Variants in KCNIP4 observed in about 807,000 individuals in gnomAD.
The protein encoded by KCNIP4 is potassium voltage-gated channel interacting protein 4, also known as Kv channel-interacting protein 4.
In KCNIP4, 12 loss-of-function variants were observed where a neutral mutation model predicts 34.0. That is an observed-to-expected ratio of 0.35 (90% CI 0.23 to 0.57). The LOEUF is 0.57. Among genes scored for constraint, KCNIP4 ranks in the 20% least tolerant of loss-of-function variants. The pLI is 0.83. For missense variants in KCNIP4, 238 were observed against 311.7 expected (o/e 0.76, Z 1.78); for synonymous variants, 124 against 102.2 (o/e 1.21, Z -1.29).
At chr4:21,335,025 G>A (rs1025073865) in intron 1 of KCNIP4, among the ~76,000 whole-genome samples, 11 of 151,962 alleles carry the variant, frequency 7.2e-5, no homozygotes, top group African/African-American at 2.4e-4. Context: ...ATTCCCAGGA[G>A]CTCTCCTTTT....
intron 1 of KCNIP4, among the ~76,000 whole-genome samples, chr4:21,444,949 C>A (rs1040579779): frequency 2.6e-5 from 4 of 152,074 alleles, no homozygotes; most frequent in African/African-American, 9.7e-5. Context: ...AATCAATGTG[C>A]AAAAATCACA....
chr4:21,804,793 G>A (rs940674055), intron 1 of KCNIP4, among the ~76,000 whole-genome samples: 3 of 152,070 alleles, frequency 2.0e-5, no homozygotes, highest in Non-Finnish European at 4.4e-5. Flanking sequence ...CCTCCACACA[G>A]GCACTTACAT....
intron 1 of KCNIP4, among the ~76,000 whole-genome samples, chr4:21,576,026 A>G (rs1395758750): frequency 6.6e-6 from 1 of 152,206 alleles, no homozygotes; most frequent in Non-Finnish European, 1.5e-5. Context: ...CAGGTGAGCA[A>G]GAAAATAAAC....
chr4:21,243,892 A>T (rs1312487158), intron 1 of KCNIP4, among the ~76,000 whole-genome samples: 1 of 152,258 alleles, frequency 6.6e-6, no homozygotes, highest in African/African-American at 2.4e-5. Context: ...TTGGAGAGAA[A>T]ATAACATGTG....
In KCNIP4 at chr4:21,679,371, G is replaced by A. The variant is rs189512225; in HGVS notation, c.61+269200C>T. ...TCTTTTGTTTATGGATGTATCCAAA[G>A]TTTGCAGAAGAGGACCTAGCAAAGG... On this transcript the variant is annotated intron_variant, in intron 1 of 8. Transcript: ENST00000382152. 3.9e-3 allele frequency among the ~76,000 whole-genome samples: 590 copies of A among 152,270 alleles called. 2 individuals carry two copies. The highest frequency in any genetic ancestry group is 0.014 in the African/African-American group (562 of 41,544).
chr4:20,769,701 G>C (rs1160939400), intron 3 of KCNIP4, among the ~76,000 whole-genome samples: 1 of 152,154 alleles, frequency 6.6e-6, no homozygotes, highest in Non-Finnish European at 1.5e-5. Context: ...ACTTAAACTG[G>C]CTATGGTTCT....
intron 1 of KCNIP4, among the ~76,000 whole-genome samples, chr4:20,961,316 T>A (rs895656313): frequency 6.6e-6 from 1 of 152,176 alleles, no homozygotes; most frequent in Non-Finnish European, 1.5e-5. Flanking sequence ...ATTAAAAAGC[T>A]ATCTAACTTT....
chr4:21,373,957 G>C (rs1040934052), intron 1 of KCNIP4, among the ~76,000 whole-genome samples: 1 of 82,540 alleles, frequency 1.2e-5, no homozygotes, highest in Non-Finnish European at 2.7e-5. Flanking sequence ...CACCCACCTC[G>C]GCCTCCCAAG....
At chr4:21,745,872 T>C (rs1332664621) in intron 1 of KCNIP4, among the ~76,000 whole-genome samples, 1 of 152,160 alleles carries the variant, frequency 6.6e-6, no homozygotes, top group Non-Finnish European at 1.5e-5. Context: ...AGAAAAGCCA[T>C]AAGACCCTAA....
At position 21,734,842 on chromosome 4, in the gene KCNIP4, AT is replaced by A. The variant is rs773997612; in HGVS notation, c.61+213728del. Among the ~76,000 whole-genome samples the A allele has an allele frequency of 5.9e-5, 9 of 151,822 alleles. No individual in the cohort carries two copies. The South Asian group carries it at 1.5e-3, about 25-fold the overall frequency. On this transcript the variant is annotated intron_variant, in intron 1 of 8. Transcript: ENST00000382152. Reference sequence around the variant, plus strand: ...CAGAGGAGCAAAGCCAGGCTCTAAGATTTTTTTTTAACAGCTGAGTATTTGC... The same window carrying A: ...CAGAGGAGCAAAGCCAGGCTCTAAGATTTTTTTTAACAGCTGAGTATTTGC...
chr4:21,493,825 T>C (rs1313935266), intron 1 of KCNIP4, among the ~76,000 whole-genome samples: 2 of 152,158 alleles, frequency 1.3e-5, no homozygotes, highest in Non-Finnish European at 2.9e-5. Flanking sequence ...TTCTCTTTAA[T>C]AGGGTGAATG....
At chr4:21,070,441 T>C (rs1288478580) in intron 1 of KCNIP4, among the ~76,000 whole-genome samples, 1 of 145,192 alleles carries the variant, frequency 6.9e-6, no homozygotes, top group Non-Finnish European at 1.5e-5. Context: ...AGTGGTGTAC[T>C]GGCTTATATT....
At chr4:21,363,732 A>T (rs1460433935) in intron 1 of KCNIP4, among the ~76,000 whole-genome samples, 2 of 152,146 alleles carry the variant, frequency 1.3e-5, no homozygotes, top group Non-Finnish European at 2.9e-5. Context: ...AGAGAATCCA[A>T]AGCTTGATAT....
chr4:20,805,201 T>C (rs916829701), intron 3 of KCNIP4, among the ~76,000 whole-genome samples: 10 of 146,244 alleles, frequency 6.8e-5, no homozygotes, highest in Non-Finnish European at 1.5e-4. Context: ...TTTTTTTTTT[T>C]TTTTTTTTTT....
At chr4:21,514,091 G>A (rs1414089002) in intron 1 of KCNIP4, among the ~76,000 whole-genome samples, 1 of 152,146 alleles carries the variant, frequency 6.6e-6, no homozygotes, top group Admixed American at 6.6e-5. Context: ...GCCTTGTGTT[G>A]TCACTCTTTC....
chr4:21,434,508 C>T lies in KCNIP4; in HGVS notation c.61+514063G>A, dbSNP rs148866009. On this transcript the variant is annotated intron_variant, in intron 1 of 8. Transcript: ENST00000382152. The stretch of plus-strand genomic sequence containing the variant: ...CTGGGACCATATAGGACCCTCTCCC[C>T]ACCCAGGACCACTCTGTGGCCTGTT... Among the ~76,000 whole-genome samples the T allele has an allele frequency of 1.6e-4, 25 of 152,228 alleles. No individual in the cohort carries two copies. The East Asian group carries it at 2.3e-3, about 14-fold the overall frequency.
rs540203909 is a variant in KCNIP4 at position 21,210,770 on chromosome 4, C to T, written c.62-328061G>A. ...CAGATCCTATTTTCTCAAATAATTT[C>T]TTAATGTTTAATGAATAATTAAACT... On this transcript the variant is annotated intron_variant, in intron 1 of 8. Coordinates refer to ENST00000382152, the MANE Select transcript of KCNIP4 (RefSeq NM_025221.6). Among the ~76,000 whole-genome samples, 13 of 152,180 alleles carry T rather than the reference C, an allele frequency of 8.5e-5. No homozygotes were observed. In the South Asian group the frequency reaches 2.7e-3, roughly 32 times the overall value.
At chr4:20,813,069 A>G (rs996781171) in intron 3 of KCNIP4, among the ~76,000 whole-genome samples, 1 of 152,190 alleles carries the variant, frequency 6.6e-6, no homozygotes, top group African/African-American at 2.4e-5. Flanking sequence ...ATTGGTCTCC[A>G]TCTTTTTATT....
intron 1 of KCNIP4, among the ~76,000 whole-genome samples, chr4:21,067,307 G>A (rs980482615): frequency 2.0e-5 from 3 of 152,132 alleles, no homozygotes; most frequent in African/African-American, 7.2e-5. Context: ...GCTGACTTCA[G>A]GTGAGACCCA....
Sources: allele counts gnomAD v4.1 joint callset (sites outside exome capture counted in the v4.1 genomes callset), GRCh38; gene constraint gnomAD v4.1.1; transcripts MANE v1.5; gene names NCBI Gene and HGNC (gene_info 2026-07-23, HGNC 2026-07-21).